Variants in PAX5 observed in about 807,000 individuals in gnomAD.
The protein encoded by PAX5 is paired box protein Pax-5.
A neutral mutation model predicts 43.7 loss-of-function variants in PAX5; 9 were observed. The observed-to-expected ratio is 0.21, with a 90% CI of 0.12 to 0.36. The LOEUF (loss-of-function observed/expected upper bound fraction) is 0.36. Ranked by LOEUF, PAX5 falls within the 10% of genes least tolerant of loss-of-function variation. The pLI is 1.00. For missense variants in PAX5, 383 were observed against 532.7 expected, an observed-to-expected ratio of 0.72 and a Z score of 2.77; for synonymous variants, 228 against 214.3, an observed-to-expected ratio of 1.06 and a Z score of -0.56.
chr9:36,927,646 C>T (rs999209647), intron 6 of PAX5, among the ~76,000 whole-genome samples: 2 of 152,098 alleles, frequency 1.3e-5, no homozygotes, highest in Non-Finnish European at 2.9e-5. Context: ...CCCTGGGGGA[C>T]GGCGGGACAC....
intron 8 of PAX5, among the ~76,000 whole-genome samples, chr9:36,854,902 C>T (rs547732536): frequency 7.9e-5 from 12 of 152,346 alleles, no homozygotes; most frequent in African/African-American, 2.2e-4. Flanking sequence ...CCGAGAGCCG[C>T]GGACCCCACA....
chr9:36,945,389 G>A lies in PAX5; in HGVS notation c.780+21160C>T, dbSNP rs542470127. On this transcript the variant is annotated intron_variant, in intron 6 of 9. Coordinates refer to ENST00000358127, the MANE Select transcript of PAX5 (RefSeq NM_016734.3). ...CCCTAGTAGCTGGGACTACAGGCAT[G>A]AGCCACCATGCCCAGCTAATTTTTC... 2.0e-4 allele frequency among the ~76,000 whole-genome samples: 31 copies of A among 152,228 alleles called. 1 individual carries two copies. In the South Asian group the frequency reaches 6.2e-3, roughly 31 times the overall value.
chr9:36,920,960 T>G (rs1380434383), intron 7 of PAX5, among the ~76,000 whole-genome samples: 2 of 152,132 alleles, frequency 1.3e-5, no homozygotes, highest in East Asian at 3.9e-4. Flanking sequence ...ATTACAGGCA[T>G]GCACCACCAC....
Position 36,846,596 on chromosome 9 carries a change from C to T in PAX5, c.1099+247G>A, listed in dbSNP as rs28719643. Among the ~76,000 whole-genome samples, 6,526 of 152,242 alleles carry T rather than the reference C, an allele frequency of 0.043. 482 individuals carry two copies. The highest frequency in any genetic ancestry group is 0.15 in the African/African-American group (6,131 of 41,520). On this transcript the variant is annotated intron_variant, in intron 9 of 9. Transcript: ENST00000358127. ...TCAATGCCCCTTTTTTCCTCTGTTT[C>T]CCTTCTGTGCCATTTTTCCTAACCC...
chr9:36,900,820 C>T (rs3758159), intron 7 of PAX5, among the ~76,000 whole-genome samples: 44,223 of 151,942 alleles, frequency 0.29, 7,624 homozygotes, highest in Non-Finnish European at 0.39. Context: ...GCACATTCCA[C>T]CTGAGTGTCC....
intron 6 of PAX5, chr9:36,930,861 G>T: frequency 7.6e-7 from 1 of 1,307,820 alleles, no homozygotes; most frequent in Non-Finnish European, 1.0e-6. Context: ...TGTGCACTGG[G>T]CATCATTTGG....
intron 9 of PAX5, among the ~76,000 whole-genome samples, 158 bp from the exon 10 acceptor site, chr9:36,840,794 C>A (rs1263142263): frequency 6.6e-6 from 1 of 152,198 alleles, no homozygotes; most frequent in East Asian, 1.9e-4. Flanking sequence ...CAAGTCCCAT[C>A]AGGGCCACAA....
intron 6 of PAX5, among the ~76,000 whole-genome samples, chr9:36,936,933 C>T (rs1289575172): frequency 1.3e-5 from 2 of 152,180 alleles, no homozygotes; most frequent in East Asian, 1.9e-4. Context: ...AACTTCCTAA[C>T]ACGTGATGCT....
chr9:36,900,925 C>A, intron 7 of PAX5, among the ~76,000 whole-genome samples: 2 of 12,874 alleles, frequency 1.6e-4, no homozygotes, highest in African/African-American at 1.9e-4. Flanking sequence ...CCCCCAGACT[C>A]CAACCAGGGG....
intron 8 of PAX5, among the ~76,000 whole-genome samples, chr9:36,877,181 C>T (rs564246062): frequency 6.6e-6 from 1 of 152,132 alleles, no homozygotes; most frequent in East Asian, 1.9e-4. Context: ...ACAAAAAATA[C>T]AAAAATTAGG....
chr9:36,906,442 T>C (rs1291441457), intron 7 of PAX5, among the ~76,000 whole-genome samples: 3 of 152,096 alleles, frequency 2.0e-5, no homozygotes, highest in Non-Finnish European at 4.4e-5. Context: ...GCCAAGGAAT[T>C]TGTGTGTCCT....
intron 5 of PAX5, among the ~76,000 whole-genome samples, chr9:36,973,137 A>T (rs1835105815): frequency 3.9e-5 from 5 of 129,084 alleles, no homozygotes; most frequent in Non-Finnish European, 8.5e-5. Flanking sequence ...AAGGAAAGAA[A>T]AGGAAAGGAA....
Position 36,835,071 on chromosome 9 carries a change from C to A in PAX5, c.*5489G>T, listed in dbSNP as rs2131549193. 4.3e-6 allele frequency: 1 copy of A among 233,356 alleles called. No individual in the cohort carries two copies. The highest frequency in any genetic ancestry group is 1.8e-4 in the South Asian group (1 of 5,526). The allele number at this position is 233,356 out of a possible 1,614,324, so 14.5% of individuals were successfully genotyped here. A position where few individuals can be genotyped will look rare whatever the true frequency, so the allele number is the denominator to read the frequency against. ...CCTACCTGAGACGACTCCTTTGAGG[C>A]TTTGCTGATTGTCCCTCAGTAGATA... is the stretch of plus-strand genomic sequence containing the variant. On this transcript the variant is annotated 3_prime_UTR_variant, in exon 10 of 10. Transcript: ENST00000358127.
At chr9:36,944,551 A>G (rs1832339673) in intron 6 of PAX5, among the ~76,000 whole-genome samples, 1 of 152,132 alleles carries the variant, frequency 6.6e-6, no homozygotes. Context: ...CCAGCTGGAG[A>G]AGGGAAGCTG....
At chr9:36,919,628 G>A (rs1829978221) in intron 7 of PAX5, among the ~76,000 whole-genome samples, 1 of 151,938 alleles carries the variant, frequency 6.6e-6, no homozygotes, top group South Asian at 2.1e-4. Context: ...TGGATCATGA[G>A]GTCAGGAGTT....
intron 4 of PAX5, among the ~76,000 whole-genome samples, 199 bp downstream of exon 4, chr9:37,006,274 A>T (rs753611879): frequency 6.6e-6 from 1 of 152,154 alleles, no homozygotes; most frequent in East Asian, 1.9e-4. Context: ...CATAATAATC[A>T]GTAAAATTCA....
At chr9:36,941,614 C>T (rs1273861763) in intron 6 of PAX5, among the ~76,000 whole-genome samples, 1 of 152,196 alleles carries the variant, frequency 6.6e-6, no homozygotes, top group Non-Finnish European at 1.5e-5. Context: ...CAGGTAGGCA[C>T]TGGGGAGGAT....
At chr9:37,012,443 A>G (rs887059121) in intron 3 of PAX5, among the ~76,000 whole-genome samples, 7 of 152,160 alleles carry the variant, frequency 4.6e-5, no homozygotes, top group Non-Finnish European at 8.8e-5. Flanking sequence ...GAGACCACAG[A>G]CATGAAAGCA....
intron 8 of PAX5, among the ~76,000 whole-genome samples, chr9:36,878,318 A>G (rs1419358752): frequency 2.0e-5 from 3 of 152,216 alleles, no homozygotes; most frequent in African/African-American, 7.2e-5. Context: ...GGGGCCATGA[A>G]GGGTGCAGAG....
Sources: gnomAD v4.1 joint callset for allele counts (sites outside exome capture counted in the v4.1 genomes callset) on GRCh38, gnomAD v4.1.1 for gene constraint, MANE v1.5 for transcripts, NCBI Gene and HGNC (gene_info 2026-07-23, HGNC 2026-07-21) for gene names.